The following FRMD4A variants were observed in gnomAD, a reference collection of about 807,000 sequenced individuals.
FRMD4A encodes FERM domain containing 4A.
In FRMD4A, 29 loss-of-function variants were observed where a neutral mutation model predicts 129.1. The observed-to-expected ratio is 0.22, with a 90% confidence interval of 0.17 to 0.31. The LOEUF (loss-of-function observed/expected upper bound fraction) is 0.31, where lower values mean the gene tolerates loss of function less well. Ranked by LOEUF, FRMD4A falls within the 10% of genes least tolerant of loss-of-function variation. The probability of loss-of-function intolerance (pLI) is 1.00; values close to 1 mark genes in which losing one functional copy is unlikely to be tolerated. For synonymous variants in FRMD4A, 634 were observed against 571.6 expected (o/e 1.11, Z -1.56); for missense variants, 1,272 against 1,375.8 (o/e 0.92, Z 1.19).
At chr10:14,302,855 T>G (rs893192580) in intron 2 of FRMD4A, among the ~76,000 whole-genome samples, 4 of 152,198 alleles carry the variant, frequency 2.6e-5, no homozygotes, top group African/African-American at 7.2e-5. Flanking sequence ...AGAACTTGGT[T>G]AGGACTAAGC....
At chr10:13,908,135 A>C (rs2094901760) in intron 2 of FRMD4A, among the ~76,000 whole-genome samples, 2 of 134,142 alleles carry the variant, frequency 1.5e-5, no homozygotes, top group South Asian at 5.5e-4. Context: ...ACTGCACTCC[A>C]GCCTGGACAA....
At chr10:13,802,455 A>T (rs1176983330) in intron 4 of FRMD4A, among the ~76,000 whole-genome samples, 1 of 152,034 alleles carries the variant, frequency 6.6e-6, no homozygotes, top group Non-Finnish European at 1.5e-5. Flanking sequence ...AAGTTCTTAT[A>T]TGTTTATCTA....
intron 8 of FRMD4A, among the ~76,000 whole-genome samples, chr10:13,758,005 A>C (rs2091931790): frequency 1.3e-5 from 2 of 152,306 alleles, no homozygotes; most frequent in South Asian, 4.1e-4. Flanking sequence ...TGGCCTCCCA[A>C]AGTGCTGGGA....
chr10:13,925,499 C>T (rs2095121013), intron 2 of FRMD4A, among the ~76,000 whole-genome samples: 1 of 145,584 alleles, frequency 6.9e-6, no homozygotes. Context: ...GTTTCTGTTC[C>T]TTCTTTAAAA....
At chr10:14,039,374 C>CTAT (rs1565204299) in intron 2 of FRMD4A, among the ~76,000 whole-genome samples, 41 of 124,532 alleles carry the variant, frequency 3.3e-4, no homozygotes, top group African/African-American at 6.9e-4. Context: ...GTCCGTCCAT[C>CTAT]CATCCATCCA....
intron 2 of FRMD4A, among the ~76,000 whole-genome samples, chr10:13,951,825 G>A (rs551143784): frequency 6.6e-6 from 1 of 151,636 alleles, no homozygotes; most frequent in East Asian, 1.9e-4. Context: ...AGGAGTCAGA[G>A]TTTGCAGTGA....
At chr10:14,153,626 T>A (rs1221940242) in intron 2 of FRMD4A, among the ~76,000 whole-genome samples, 1 of 151,878 alleles carries the variant, frequency 6.6e-6, no homozygotes, top group Admixed American at 6.6e-5. Flanking sequence ...CTGAGAGGAG[T>A]GAAGGGTCAG....
chr10:14,159,962 A>G (rs1249615515), intron 2 of FRMD4A, among the ~76,000 whole-genome samples: 2 of 152,146 alleles, frequency 1.3e-5, no homozygotes, highest in Admixed American at 6.5e-5. Context: ...AGGCAGGAGA[A>G]CTGCTTGAAC....
chr10:14,209,214 A>G (rs1322474582), intron 2 of FRMD4A, among the ~76,000 whole-genome samples: 1 of 151,726 alleles, frequency 6.6e-6, no homozygotes, highest in Non-Finnish European at 1.5e-5. Context: ...TTCTCCTGAC[A>G]CTTGATAATT....
At chr10:14,168,245 T>G (rs1467635475) in intron 2 of FRMD4A, among the ~76,000 whole-genome samples, 1 of 152,192 alleles carries the variant, frequency 6.6e-6, no homozygotes, top group African/African-American at 2.4e-5. Flanking sequence ...AAGTGGTTAA[T>G]TCACAGCTTG....
chr10:13,759,955 C>T (rs2092005335), intron 8 of FRMD4A, among the ~76,000 whole-genome samples: 1 of 151,838 alleles, frequency 6.6e-6, no homozygotes, highest in Non-Finnish European at 1.5e-5. Flanking sequence ...CTACAACCCC[C>T]TAGACAAATC....
At chr10:13,854,846 A>G (rs1223118543) in intron 3 of FRMD4A, among the ~76,000 whole-genome samples, 3 of 152,166 alleles carry the variant, frequency 2.0e-5, no homozygotes, top group African/African-American at 4.8e-5. Context: ...TGCAACCTGC[A>G]TGTGTCCACA....
chr10:14,110,725 T>C (rs1192054066), intron 2 of FRMD4A, among the ~76,000 whole-genome samples: 1 of 152,264 alleles, frequency 6.6e-6, no homozygotes, highest in Non-Finnish European at 1.5e-5. Context: ...TCTGCCACCA[T>C]TGAAATGTTT....
intron 2 of FRMD4A, among the ~76,000 whole-genome samples, chr10:14,183,955 A>T (rs1841990658): frequency 6.6e-6 from 1 of 152,166 alleles, no homozygotes; most frequent in Admixed American, 6.5e-5. Flanking sequence ...AGAAATTATG[A>T]GATATGGAAA....
chr10:13,863,668 T>G (rs1207746426), intron 2 of FRMD4A, among the ~76,000 whole-genome samples: 2 of 151,850 alleles, frequency 1.3e-5, no homozygotes, highest in Non-Finnish European at 2.9e-5. Context: ...CAAAAAAATA[T>G]ATATATAGGA....
intron 2 of FRMD4A, among the ~76,000 whole-genome samples, chr10:14,046,922 G>C (rs779735558): frequency 6.6e-6 from 1 of 152,040 alleles, no homozygotes; most frequent in Non-Finnish European, 1.5e-5. Context: ...AGGGCTGGTC[G>C]CTGGACATCA....
chr10:14,012,720 T>C (rs1937622209), intron 2 of FRMD4A, among the ~76,000 whole-genome samples: 1 of 152,098 alleles, frequency 6.6e-6, no homozygotes, highest in South Asian at 2.1e-4. Context: ...GGCACGGACA[T>C]GCAGCCTGGT....
chr10:14,194,433 ACC>A (rs1047151713), intron 2 of FRMD4A, among the ~76,000 whole-genome samples: 8 of 152,248 alleles, frequency 5.3e-5, no homozygotes, highest in Non-Finnish European at 1.2e-4. Context: ...ACACGGTGAA[ACC>A]CCGTCTCTAC....
At chr10:14,003,828 T>C (rs2095651739) in intron 2 of FRMD4A, among the ~76,000 whole-genome samples, 1 of 152,234 alleles carries the variant, frequency 6.6e-6, no homozygotes, top group Non-Finnish European at 1.5e-5. Flanking sequence ...CATTTCCTCG[T>C]ATTGCAAAGT....
Sources: gnomAD v4.1 joint callset for allele counts (sites outside exome capture counted in the v4.1 genomes callset) on GRCh38, gnomAD v4.1.1 for gene constraint, MANE v1.5 for transcripts, NCBI Gene and HGNC (gene_info 2026-07-23, HGNC 2026-07-21) for gene names.